Variants in ADGRL2 observed in about 807,000 individuals in gnomAD.
ADGRL2 encodes calcium-independent alpha-latrotoxin receptor 2.
ADGRL2 carries 44 observed loss-of-function variants against 157.4 expected under a neutral mutation model. That is an observed-to-expected ratio of 0.28 (90% confidence interval 0.22 to 0.36). ADGRL2 has a LOEUF of 0.36. ADGRL2 is among the 10% of genes least tolerant of loss of function. ADGRL2 has a pLI of 1.00. For missense variants in ADGRL2, 1,510 were observed against 1,768.9 expected (o/e 0.85, Z 2.63); for synonymous variants, 585 against 624.7 (o/e 0.94, Z 0.95).
chr1:81,716,767 T>C (rs918971069), intron 1 of ADGRL2, among the ~76,000 whole-genome samples: 1 of 152,178 alleles, frequency 6.6e-6, no homozygotes, highest in Admixed American at 6.5e-5. Context: ...CTGAAAAGTA[T>C]GGACAGAAGG....
intron 2 of ADGRL2, among the ~76,000 whole-genome samples, chr1:81,841,493 T>C (rs2092577934): frequency 6.6e-6 from 1 of 152,186 alleles, no homozygotes; most frequent in South Asian, 2.1e-4. Context: ...AGATATTTCC[T>C]TCAGAATGGT....
chr1:81,655,296 G>A (rs1047113490), intron 3 of ADGRL2, among the ~76,000 whole-genome samples: 8 of 152,232 alleles, frequency 5.3e-5, no homozygotes, highest in African/African-American at 9.6e-5. Flanking sequence ...CACCGTGCCC[G>A]GCCTCATTCT....
rs529270929 is a variant in ADGRL2, at chr1:81,309,187, A to G, written c.-302+2678A>G. On this transcript the variant is annotated intron_variant, in intron 1 of 24. Coordinates refer to the ADGRL2 transcript ENST00000370721. Reference sequence around the variant, plus strand: ...CATTCACTGCCTATATCTTCTGTAAATATTTCAAATTTCAAGAAGGATTCT... The same window carrying G: ...CATTCACTGCCTATATCTTCTGTAAGTATTTCAAATTTCAAGAAGGATTCT... Among the ~76,000 whole-genome samples the G allele has an allele frequency of 5.9e-5, 9 of 152,218 alleles. No homozygotes were observed. The South Asian group carries it at 1.9e-3, about 32-fold the overall frequency.
At chr1:81,839,927 TGGA>T (rs1405667322) in intron 2 of ADGRL2, among the ~76,000 whole-genome samples, 1 of 116,316 alleles carries the variant, frequency 8.6e-6, no homozygotes, top group Non-Finnish European at 1.8e-5. Flanking sequence ...ATATATATGA[TGGA>T]ATATATATAT....
chr1:81,652,558 C>T (rs538225604), intron 3 of ADGRL2, among the ~76,000 whole-genome samples: 3 of 152,148 alleles, frequency 2.0e-5, no homozygotes, highest in Admixed American at 6.5e-5. Context: ...TGCTTCCAGA[C>T]CTTTTATTTT....
chr1:81,967,505 C>T (rs1168065910), intron 13 of ADGRL2, among the ~76,000 whole-genome samples: 2 of 152,124 alleles, frequency 1.3e-5, no homozygotes, highest in Non-Finnish European at 2.9e-5. Flanking sequence ...TTGTGATCCG[C>T]CCGCCTCAGC....
intron 1 of ADGRL2, among the ~76,000 whole-genome samples, chr1:81,343,087 C>CTTTTTTTTTTTTTTTTTTT (rs764039251): frequency 5.5e-5 from 7 of 127,486 alleles, no homozygotes; most frequent in Non-Finnish European, 5.0e-5. Context: ...TTTCTTTTTT[C>CTTTTTTTTTTTTTTTTTTT]TTTTCTTTTT....
At chr1:81,387,382 G>A (rs764795306) in intron 1 of ADGRL2, among the ~76,000 whole-genome samples, 2 of 151,936 alleles carry the variant, frequency 1.3e-5, no homozygotes, top group Admixed American at 6.6e-5. Context: ...GTTTTTTTAA[G>A]TTTCATATAT....
chr1:81,962,757 C>T (rs538739535), intron 11 of ADGRL2, among the ~76,000 whole-genome samples: 2 of 152,204 alleles, frequency 1.3e-5, no homozygotes, highest in East Asian at 3.9e-4. Context: ...ACGTTTAGTG[C>T]GTAATCCATT....
At chr1:81,849,867 A>G (rs1419972967) in intron 2 of ADGRL2, among the ~76,000 whole-genome samples, 1 of 151,928 alleles carries the variant, frequency 6.6e-6, no homozygotes, top group Admixed American at 6.6e-5. Context: ...TTAGAAGATA[A>G]ATACATACAA....
intron 3 of ADGRL2, among the ~76,000 whole-genome samples, chr1:81,682,962 GTC>G (rs2083151760): frequency 6.6e-6 from 1 of 152,084 alleles, no homozygotes; most frequent in South Asian, 2.1e-4. Flanking sequence ...TGAAACCCCT[GTC>G]TCTACTAAAA....
chr1:81,320,368 A>G (rs1570608633), intron 1 of ADGRL2, among the ~76,000 whole-genome samples: 1 of 152,340 alleles, frequency 6.6e-6, no homozygotes, highest in East Asian at 1.9e-4. Context: ...TCTCCTGTGA[A>G]TCATGAATGT....
intron 11 of ADGRL2, among the ~76,000 whole-genome samples, chr1:81,964,245 G>A (rs1245960181): frequency 1.3e-5 from 2 of 152,044 alleles, no homozygotes; most frequent in African/African-American, 4.8e-5. Flanking sequence ...CTTTGTACAT[G>A]TATATCTATG....
Position 81,992,586 on chromosome 1 carries a change from A to G in ADGRL2, c.*1441A>G, listed in dbSNP as rs1359634996. 3 of 152,178 alleles carry G rather than the reference A, an allele frequency of 2.0e-5. No individual in the cohort carries two copies. The highest frequency in any genetic ancestry group is 6.5e-5 in the Admixed American group (1 of 15,270). 9.4% of individuals were successfully genotyped at this position (152,178 alleles called of 1,614,324 possible). On this transcript the variant is annotated 3_prime_UTR_variant, in exon 24 of 24. Transcript: ENST00000686636. ...TGCTGAAAGGAATATATGTCTTCCA[A>G]TTGCCCACTACATATGCACAAAATC...
At chr1:81,906,676 TTAGTAGTTA>T (rs1176284456) in intron 2 of ADGRL2, among the ~76,000 whole-genome samples, 1 of 151,794 alleles carries the variant, frequency 6.6e-6, no homozygotes, top group Admixed American at 6.6e-5. Flanking sequence ...TCTTTCTTGA[TTAGTAGTTA>T]TATTTTCTGT....
In ADGRL2 at chr1:81,350,043, C is replaced by T. The variant is rs72713431; in HGVS notation, c.-302+43534C>T. ...TTACCGCAAATGTCATTTGAGTGTT[C>T]CATGAAATATTTTGGCAACCTTACA... On this transcript the variant is annotated intron_variant, in intron 1 of 24. Coordinates refer to the ADGRL2 transcript ENST00000370721. Among the ~76,000 whole-genome samples, 600 of 152,208 alleles carry T rather than the reference C, an allele frequency of 3.9e-3. 6 individuals carry two copies. Among genetic ancestry groups the T allele is most frequent in the Non-Finnish European group, 5.4e-3 (364 of 68,020 alleles).
intron 1 of ADGRL2, among the ~76,000 whole-genome samples, chr1:81,400,133 C>T (rs2076726127): frequency 6.6e-6 from 1 of 152,020 alleles, no homozygotes; most frequent in African/African-American, 2.4e-5. Flanking sequence ...TTAAGTTTCT[C>T]AGTGGTAAGG....
intron 2 of ADGRL2, among the ~76,000 whole-genome samples, chr1:81,485,619 C>T (rs2078483430): frequency 1.3e-5 from 2 of 152,030 alleles, no homozygotes; most frequent in South Asian, 2.1e-4. Context: ...CCTAAGTCTC[C>T]GTAGTGAAAT....
intron 1 of ADGRL2, among the ~76,000 whole-genome samples, chr1:81,434,217 T>TA (rs1231890161): frequency 1.3e-5 from 2 of 152,210 alleles, no homozygotes; most frequent in African/African-American, 4.8e-5. Flanking sequence ...CTACCACAAA[T>TA]ACAGTATTAA....
Sources: allele counts gnomAD v4.1 joint callset (sites outside exome capture counted in the v4.1 genomes callset), GRCh38; gene constraint gnomAD v4.1.1; transcripts MANE v1.5; gene names NCBI Gene and HGNC (gene_info 2026-07-23, HGNC 2026-07-21).